SERPIND1: variants seen among roughly 807,000 people sequenced by gnomAD.
The protein encoded by SERPIND1 is serpin family D member 1.
A neutral mutation model predicts 35.0 loss-of-function variants in SERPIND1; 34 were observed. That is an observed-to-expected ratio of 0.97 (90% CI 0.74 to 1.29). The LOEUF (loss-of-function observed/expected upper bound fraction) is 1.29. Among genes scored for constraint, SERPIND1 ranks in the 50% most tolerant of loss-of-function variants. SERPIND1 has a pLI of 0.00. For missense variants in SERPIND1, 633 were observed against 637.7 expected (o/e 0.99, Z 0.08); for synonymous variants, 236 against 241.1 (o/e 0.98, Z 0.19).
At position 20,787,518 on chromosome 22, in the gene SERPIND1, T is replaced by C. The variant is rs999765556; in HGVS notation, c.*452T>C. ...GAGGGTACACAACTAGCACCATTCTTGATGTCCAGGGAAGAAGCCACCTCA... is the reference window on the plus strand; with the variant it reads ...GAGGGTACACAACTAGCACCATTCTCGATGTCCAGGGAAGAAGCCACCTCA... On this transcript the variant is annotated 3_prime_UTR_variant, in exon 5 of 5. Transcript: ENST00000215727. 1.2e-5 allele frequency: 3 copies of C among 244,242 alleles called. No homozygotes were observed. Among genetic ancestry groups the C allele is most frequent in the African/African-American group, 4.5e-5 (2 of 44,652 alleles). The allele number at this position is 244,242 out of a possible 1,614,324, so 15.1% of individuals were successfully genotyped here.
intron 2 of SERPIND1, among the ~76,000 whole-genome samples, chr22:20,782,763 T>A (rs1933897165): frequency 6.6e-6 from 1 of 152,174 alleles, no homozygotes; most frequent in Non-Finnish European, 1.5e-5. Flanking sequence ...CTAAACACCC[T>A]ACCATGCACA....
In SERPIND1 at chr22:20,784,053, C is replaced by T. The variant is rs766747560; in HGVS notation, c.971C>T (p.Ser324Phe). The T allele has an allele frequency of 2.7e-5, 43 of 1,614,030 alleles. No homozygotes were observed. Among genetic ancestry groups the T allele is most frequent in the Non-Finnish European group, 3.6e-5 (42 of 1,180,044 alleles). Residue 324 changes from serine to phenylalanine, a missense_variant, in exon 3 of 5, where the codon TCC becomes TTC. Ser to Phe is a radical substitution (Grantham distance 155, BLOSUM62 -2). Coordinates refer to ENST00000215727, the MANE Select transcript of SERPIND1 (RefSeq NM_000185.4). ...AATGAGAGAGAGGTAGTTAAGGTTT[C>T]CATGATGCAGACCAAGGGGAACTTC... ...RLNEREVVKV[S>F]MMQTKGNFLA... is the part of the protein sequence containing the mutation.
intron 1 of SERPIND1, among the ~76,000 whole-genome samples, chr22:20,776,768 G>A (rs1933320224): frequency 6.6e-6 from 1 of 152,138 alleles, no homozygotes; most frequent in Non-Finnish European, 1.5e-5. Flanking sequence ...AATGTTGGGA[G>A]GATGAAACTA....
Position 20,786,118 on chromosome 22 carries a change from C to T in SERPIND1, c.1278C>T (p.Gly426=), listed in dbSNP as rs769432753. 6.2e-7 allele frequency: 1 copy of T among 1,614,122 alleles called. No homozygotes were observed. The highest frequency in any genetic ancestry group is 1.7e-5 in the Admixed American group (1 of 60,018). Residue 426 remains glycine (G), a synonymous_variant, in exon 4 of 5, where the codon GGC becomes GGT. Transcript: ENST00000215727. The part of the protein sequence containing the change: ...MLFDKNGNMA[G]ISDQRIAIDL... ...TTGACAAAAATGGCAACATGGCAGG[C>T]ATCTCAGACCAAAGGATCGCCATCG... is the stretch of plus-strand genomic sequence containing the variant.
chr22:20,779,756 C>T lies in SERPIND1; in HGVS notation c.444C>T (p.Phe148=), dbSNP rs560368734. 2.4e-5 allele frequency: 38 copies of T among 1,614,188 alleles called. No individual in the cohort carries two copies. The African/African-American group carries it at 3.9e-4, about 16-fold the overall frequency. The change falls in exon 2 of 5, where the codon TTC becomes TTT. Residue 148 remains phenylalanine (F), a synonymous_variant. Coordinates refer to ENST00000215727, the MANE Select transcript of SERPIND1 (RefSeq NM_000185.4). ...TGCTGAAAGACCAGGTCAACACTTT[C>T]GATAACATCTTCATAGCACCCGTTG... ...YRVLKDQVNT[F]DNIFIAPVGI...
chr22:20,778,302 A>G (rs1265417879), intron 1 of SERPIND1, among the ~76,000 whole-genome samples: 1 of 152,078 alleles, frequency 6.6e-6, no homozygotes, highest in African/African-American at 2.4e-5. Context: ...GGAGTTTGAG[A>G]CCAGCCTGGC....
intron 1 of SERPIND1, among the ~76,000 whole-genome samples, chr22:20,776,644 C>T (rs1374240076): frequency 6.6e-6 from 1 of 152,186 alleles, no homozygotes. Context: ...TACTCCAGAG[C>T]GAACAAGGCT....
rs140529878 is a variant in SERPIND1 at position 20,774,833 on chromosome 22, T to C, written c.-17+688T>C. ...ATATAGGAGACCTACTCTCAAATGG[T>C]CTAGAAGAAAAAATGTGTATGTGCA... On this transcript the variant is annotated intron_variant, in intron 1 of 4. Coordinates refer to ENST00000215727, the MANE Select transcript of SERPIND1 (RefSeq NM_000185.4). Among the ~76,000 whole-genome samples, 45 of 150,532 alleles carry C rather than the reference T, an allele frequency of 3.0e-4. No individual in the cohort carries two copies. In the Middle Eastern group the frequency reaches 0.014, roughly 47 times the overall value.
At chr22:20,781,933 G>A (rs555813499) in intron 2 of SERPIND1, among the ~76,000 whole-genome samples, 2 of 152,308 alleles carry the variant, frequency 1.3e-5, no homozygotes, top group South Asian at 2.1e-4. Flanking sequence ...AACCATAAGC[G>A]ATGGCAATGC....
At chr22:20,774,890 AC>A (rs767458662) in intron 1 of SERPIND1, among the ~76,000 whole-genome samples, 11 of 152,218 alleles carry the variant, frequency 7.2e-5, no homozygotes, top group Middle Eastern at 3.2e-3. Context: ...ACGTACACAC[AC>A]ACACAGATAA....
At position 20,779,366 on chromosome 22, in the gene SERPIND1, G is replaced by A; in HGVS notation, c.54G>A (p.Trp18Ter). Reference sequence around the variant, plus strand: ...TTTTCCTCATCATAACATCTGCGTGGGGTGGGAGCAAAGGCCCGCTGGATC... The same window carrying A: ...TTTTCCTCATCATAACATCTGCGTGAGGTGGGAGCAAAGGCCCGCTGGATC... Reference protein sequence around the residue: ...LLIFLIITSAWGGSKGPLDQL... With the variant: ...LLIFLIITSA The change falls in exon 2 of 5, where the codon TGG becomes TGA. Residue 18 changes from tryptophan to a stop codon, truncating the protein, a stop_gained. Coordinates refer to ENST00000215727, the MANE Select transcript of SERPIND1 (RefSeq NM_000185.4). LOFTEE classifies it high-confidence loss of function. 1.2e-6 allele frequency: 2 copies of A among 1,614,190 alleles called. No individual in the cohort carries two copies. Among genetic ancestry groups the A allele is most frequent in the Non-Finnish European group, 1.7e-6 (2 of 1,180,044 alleles).
At chr22:20,783,778 T>G (rs1294912580) in intron 2 of SERPIND1, among the ~76,000 whole-genome samples, 194 bp from the exon 3 acceptor site, 1 of 152,186 alleles carries the variant, frequency 6.6e-6, no homozygotes, top group African/African-American at 2.4e-5. Context: ...CCAGTCCGGG[T>G]AACCTCTCGT....
chr22:20,783,859 G>A (rs1312341627), intron 2 of SERPIND1, 113 bp from the exon 3 acceptor site: 4 of 1,414,472 alleles, frequency 2.8e-6, no homozygotes, highest in Admixed American at 3.4e-5. Context: ...TGTGGGGTCG[G>A]CTCTGCAGGC....
At chr22:20,775,703 T>C (rs191910806) in intron 1 of SERPIND1, among the ~76,000 whole-genome samples, 8 of 152,306 alleles carry the variant, frequency 5.3e-5, no homozygotes, top group Admixed American at 3.3e-4. Flanking sequence ...TTGCTCCAGC[T>C]GGTCTTGAAC....
At position 20,787,566 on chromosome 22, in the gene SERPIND1, G is replaced by T; in HGVS notation, c.*500G>T. 2 of 189,766 alleles carry T rather than the reference G, an allele frequency of 1.1e-5. No individual in the cohort carries two copies. The highest frequency in any genetic ancestry group is 1.3e-4 in the East Asian group (1 of 7,706). The allele number at this position is 189,766 out of a possible 1,614,324, so 11.8% of individuals were successfully genotyped here. A position where few individuals can be genotyped will look rare whatever the true frequency, so the allele number is the denominator to read the frequency against. On this transcript the variant is annotated 3_prime_UTR_variant, in exon 5 of 5. Coordinates refer to ENST00000215727, the MANE Select transcript of SERPIND1 (RefSeq NM_000185.4). ...TCAAGACATATGAGGGGTGCCCTGG[G>T]CTAATGTTAGGGCTTAATTTTCTCA...
chr22:20,780,120 A>C lies in SERPIND1; in HGVS notation c.808A>C (p.Thr270Pro). Residue 270 changes from threonine to proline, a missense_variant, in exon 2 of 5, where the codon ACC (threonine) becomes CCC (proline). Thr to Pro is a conservative substitution (Grantham distance 38). Coordinates refer to ENST00000215727, the MANE Select transcript of SERPIND1 (RefSeq NM_000185.4). ...AACCAACAACCACATCATGAAGCTCACCAAGGGCCTCATAAAAGATGCTCT... is the reference window on the plus strand; with the variant it reads ...AACCAACAACCACATCATGAAGCTCCCCAAGGGCCTCATAAAAGATGCTCT... ...SKTNNHIMKL[T>P]KGLIKDALEN... is the part of the protein sequence containing the mutation. 1 of 1,614,196 alleles carries C rather than the reference A, an allele frequency of 6.2e-7. No individual in the cohort carries two copies. Among genetic ancestry groups the C allele is most frequent in the South Asian group, 1.1e-5 (1 of 91,082 alleles).
intron 2 of SERPIND1, among the ~76,000 whole-genome samples, chr22:20,780,903 T>C (rs1206280398): frequency 1.3e-5 from 2 of 151,886 alleles, no homozygotes; most frequent in Non-Finnish European, 2.9e-5. Context: ...ATACAAAAAC[T>C]GTTTTAGCAT....
chr22:20,776,403 G>C (rs951014880), intron 1 of SERPIND1, among the ~76,000 whole-genome samples: 2 of 152,216 alleles, frequency 1.3e-5, no homozygotes, highest in Non-Finnish European at 2.9e-5. Flanking sequence ...GCCTGAGGCA[G>C]GTGCTGAGAT....
chr22:20,774,434 T>C (rs1933080779), intron 1 of SERPIND1, among the ~76,000 whole-genome samples: 1 of 152,228 alleles, frequency 6.6e-6, no homozygotes, highest in South Asian at 2.1e-4. Context: ...GAGAATATCC[T>C]TGCTCTTGGG....
Sources: gnomAD v4.1 joint callset for allele counts (sites outside exome capture counted in the v4.1 genomes callset) on GRCh38, gnomAD v4.1.1 for gene constraint, MANE v1.5 for transcripts, NCBI Gene and HGNC (gene_info 2026-07-23, HGNC 2026-07-21) for gene names.